UNC5C: variants seen among roughly 807,000 people sequenced by gnomAD.
UNC5C encodes netrin receptor UNC5C.
UNC5C carries 47 observed loss-of-function variants against 99.8 expected under a neutral mutation model. The ratio of observed to expected loss-of-function variants is 0.47; its 90% CI spans 0.37 to 0.60. UNC5C has a LOEUF of 0.60. Among genes scored for constraint, UNC5C ranks in the 20% least tolerant of loss-of-function variants. The pLI, the probability that UNC5C is intolerant of heterozygous loss-of-function variation, is 0.00. For synonymous variants in UNC5C, 487 were observed against 452.2 expected (o/e 1.08, Z -0.98); for missense variants, 1,062 against 1,165.9 (o/e 0.91, Z 1.30).
chr4:95,511,310 C>CA (rs11397599), intron 1 of UNC5C, among the ~76,000 whole-genome samples: 140,741 of 152,106 alleles, frequency 0.93, 65,171 homozygotes, highest in African/African-American at 0.93. Flanking sequence ...TTGTTAATAT[C>CA]GGGTTAATAT....
At chr4:95,204,319 A>G (rs1383583765) in intron 11 of UNC5C, among the ~76,000 whole-genome samples, 3 of 152,222 alleles carry the variant, frequency 2.0e-5, no homozygotes, top group Non-Finnish European at 2.9e-5. Context: ...AAGACCATGT[A>G]TGGGATGCAA....
At chr4:95,462,756 ATAAC>A (rs1747642915) in intron 1 of UNC5C, among the ~76,000 whole-genome samples, 3 of 152,348 alleles carry the variant, frequency 2.0e-5, no homozygotes, top group South Asian at 4.1e-4. Context: ...GTGTATTCAA[ATAAC>A]TAACAAATGG....
At chr4:95,346,116 T>C (rs552557499) in intron 1 of UNC5C, among the ~76,000 whole-genome samples, 2 of 151,958 alleles carry the variant, frequency 1.3e-5, no homozygotes, top group Non-Finnish European at 3.0e-5. Flanking sequence ...CCTGATACTA[T>C]AGAAATTCAA....
intron 1 of UNC5C, among the ~76,000 whole-genome samples, chr4:95,494,497 A>G (rs111822554): frequency 0.021 from 3,223 of 151,584 alleles, 118 homozygotes; most frequent in African/African-American, 0.074. Flanking sequence ...AGTATAGCCA[A>G]CAGAATTCAA....
intron 4 of UNC5C, among the ~76,000 whole-genome samples, chr4:95,273,253 T>C (rs1420208267): frequency 3.9e-5 from 6 of 152,226 alleles, no homozygotes; most frequent in Non-Finnish European, 5.9e-5. Context: ...AGCTCAATTA[T>C]AATTAGAGAA....
At chr4:95,456,140 G>A (rs1030007055) in intron 1 of UNC5C, among the ~76,000 whole-genome samples, 18 of 151,950 alleles carry the variant, frequency 1.2e-4, no homozygotes, top group African/African-American at 3.6e-4. Flanking sequence ...TGTATCTTTC[G>A]TGTGTATAAT....
In UNC5C at chr4:95,206,815, A is replaced by T. The variant is rs780726714; in HGVS notation, c.1734-19T>A. On this transcript the variant is annotated intron_variant, in intron 10 of 15. Coordinates refer to ENST00000453304, the MANE Select transcript of UNC5C (RefSeq NM_003728.4). ...GGGTGGCCTAGGAGGAGAGCAGAGA[A>T]TGGCTTCAGTGACATTTCCATTGTA... The T allele has an allele frequency of 2.6e-6, 4 of 1,538,528 alleles. No individual in the cohort carries two copies. The highest frequency in any genetic ancestry group is 3.5e-6 in the Non-Finnish European group (4 of 1,143,944).
intron 5 of UNC5C, among the ~76,000 whole-genome samples, chr4:95,249,152 T>C (rs1008872306): frequency 7.2e-5 from 11 of 152,218 alleles, no homozygotes; most frequent in African/African-American, 2.4e-4. Context: ...ATACCATCTA[T>C]CCTATGTGTG....
intron 7 of UNC5C, chr4:95,222,111 C>A: frequency 1.3e-6 from 1 of 789,006 alleles, no homozygotes; most frequent in Non-Finnish European, 1.8e-6. Flanking sequence ...CTCCTATTTC[C>A]TGTGTGCACA....
intron 1 of UNC5C, among the ~76,000 whole-genome samples, chr4:95,437,868 A>G (rs1186135237): frequency 2.0e-5 from 3 of 152,130 alleles, no homozygotes; most frequent in African/African-American, 7.2e-5. Flanking sequence ...ATAGAGTGGT[A>G]GGATCTTTAT....
chr4:95,493,983 T>C (rs1021036778), intron 1 of UNC5C, among the ~76,000 whole-genome samples: 33 of 151,486 alleles, frequency 2.2e-4, no homozygotes, highest in Admixed American at 2.0e-4. Context: ...AACTATATGA[T>C]ACATTTCATG....
intron 2 of UNC5C, among the ~76,000 whole-genome samples, chr4:95,322,915 G>A (rs921241864): frequency 1.3e-5 from 2 of 149,728 alleles, no homozygotes; most frequent in Non-Finnish European, 1.5e-5. Flanking sequence ...TTCAGCCTGG[G>A]TGACAGAGCG....
chr4:95,266,853 T>A (rs1397349201), intron 4 of UNC5C, among the ~76,000 whole-genome samples: 1 of 152,222 alleles, frequency 6.6e-6, no homozygotes, highest in Non-Finnish European at 1.5e-5. Flanking sequence ...CAGTGGATTA[T>A]CCATTTATAG....
intron 2 of UNC5C, among the ~76,000 whole-genome samples, chr4:95,331,461 C>CTCATA (rs1220587960): frequency 6.6e-6 from 1 of 152,082 alleles, no homozygotes; most frequent in Non-Finnish European, 1.5e-5. Flanking sequence ...AAAGGTAATA[C>CTCATA]CTACATGAGT....
intron 1 of UNC5C, among the ~76,000 whole-genome samples, chr4:95,380,395 T>C (rs1466931820): frequency 6.6e-6 from 1 of 152,046 alleles, no homozygotes; most frequent in Admixed American, 6.6e-5. Context: ...ACTAATACAA[T>C]TATTACTACA....
chr4:95,548,227 T>A (rs1442501266), intron 1 of UNC5C, among the ~76,000 whole-genome samples: 4 of 151,998 alleles, frequency 2.6e-5, no homozygotes, highest in Non-Finnish European at 5.9e-5. Flanking sequence ...AATGGACACA[T>A]TTCCTTAGCT....
intron 2 of UNC5C, among the ~76,000 whole-genome samples, chr4:95,307,240 G>A (rs537222296): frequency 6.6e-6 from 1 of 152,018 alleles, no homozygotes; most frequent in South Asian, 2.1e-4. Flanking sequence ...TCTTTGAAAT[G>A]TTTTAATTAA....
chr4:95,383,262 T>TAC (rs35068196), intron 1 of UNC5C, among the ~76,000 whole-genome samples: 6,120 of 150,896 alleles, frequency 0.041, 250 homozygotes, highest in African/African-American at 0.1. Flanking sequence ...TGTGTGTGTT[T>TAC]ACACACACAC....
intron 1 of UNC5C, among the ~76,000 whole-genome samples, chr4:95,351,806 C>G (rs1172077564): frequency 3.3e-5 from 5 of 152,148 alleles, no homozygotes; most frequent in African/African-American, 9.7e-5. Flanking sequence ...CAAGTTGACT[C>G]TAATACGTGT....
Sources: gnomAD v4.1 joint callset for allele counts (sites outside exome capture counted in the v4.1 genomes callset) on GRCh38, gnomAD v4.1.1 for gene constraint, MANE v1.5 for transcripts, NCBI Gene and HGNC (gene_info 2026-07-23, HGNC 2026-07-21) for gene names.